The following TACC2 variants were observed in gnomAD, a reference collection of about 807,000 sequenced individuals.
The protein encoded by TACC2 is transforming acidic coiled-coil-containing protein 2.
Under a neutral mutation model 227.3 loss-of-function variants are expected in TACC2, and 137 were observed. The ratio of observed to expected loss-of-function variants is 0.60; its 90% CI spans 0.52 to 0.69. The LOEUF is 0.69. TACC2 is among the 30% of genes least tolerant of loss of function. The pLI, the probability that TACC2 is intolerant of heterozygous loss-of-function variation, is 0.00. For missense variants in TACC2, 3,470 were observed against 3,694.4 expected (o/e 0.94, Z 1.57); for synonymous variants, 1,523 against 1,487.5 (o/e 1.02, Z -0.55).
chr10:122,038,259 G>T (rs2073826580), intron 2 of TACC2, among the ~76,000 whole-genome samples: 1 of 152,140 alleles, frequency 6.6e-6, no homozygotes, highest in South Asian at 2.1e-4. Context: ...ACAAGAGTGA[G>T]ACCTTGTCTC....
At chr10:122,060,897 C>G (rs557889873) in intron 3 of TACC2, among the ~76,000 whole-genome samples, 1 of 149,376 alleles carries the variant, frequency 6.7e-6, no homozygotes, top group Non-Finnish European at 1.5e-5. Context: ...CCCAGCTACT[C>G]GGGAGGCTGA....
chr10:122,124,407 A>G lies in TACC2; in HGVS notation c.5574-8202A>G, dbSNP rs533571228. Among the ~76,000 whole-genome samples, 7 of 152,132 alleles carry G rather than the reference A, an allele frequency of 4.6e-5. No individual in the cohort carries two copies. In the South Asian group the frequency reaches 1.5e-3, roughly 32 times the overall value. ...CTGCCTGCATTTCTTGCCCCCTCCA[A>G]TTAGTCTCCACTGTGGCACAGGCAT... On this transcript the variant is annotated intron_variant, in intron 5 of 22. Coordinates refer to ENST00000369005, the MANE Select transcript of TACC2 (RefSeq NM_206862.4).
At chr10:122,009,236 T>C (rs768947667) in intron 1 of TACC2, among the ~76,000 whole-genome samples, 8 of 152,222 alleles carry the variant, frequency 5.3e-5, no homozygotes, top group Non-Finnish European at 1.2e-4. Flanking sequence ...TGTACATTTA[T>C]TTTTCCTTTC....
intron 7 of TACC2, among the ~76,000 whole-genome samples, chr10:122,190,270 T>TCTGCATTTTCCAGCTAC (rs1443886658): frequency 7.2e-5 from 11 of 152,082 alleles, no homozygotes; most frequent in African/African-American, 2.7e-4. Context: ...GCTCTTAGGG[T>TCTGCATTTTCCAGCTAC]CTGCATTTTC....
chr10:122,239,058 C>T (rs1241360259), intron 18 of TACC2, among the ~76,000 whole-genome samples: 3 of 152,026 alleles, frequency 2.0e-5, no homozygotes, highest in Non-Finnish European at 2.9e-5. Flanking sequence ...GGCTGGAGTG[C>T]GATGGTGCGA....
rs58349779 is a variant in TACC2, at chr10:122,069,932, T to C, written c.147-12715T>C. The stretch of plus-strand genomic sequence containing the variant: ...ACAGTGGTTAATCTTCCCAAACTTG[T>C]CTCTGCAGCTGTGTTAATGCTGGGA... On this transcript the variant is annotated intron_variant, in intron 3 of 22. Transcript: ENST00000369005. 5.2e-3 allele frequency among the ~76,000 whole-genome samples: 790 copies of C among 152,306 alleles called. 10 individuals carry two copies. The highest frequency in any genetic ancestry group is 0.018 in the African/African-American group (755 of 41,570).
chr10:122,034,375 C>T (rs1959527697), intron 2 of TACC2, among the ~76,000 whole-genome samples: 1 of 152,058 alleles, frequency 6.6e-6, no homozygotes, highest in South Asian at 2.1e-4. Flanking sequence ...GTTTTATAGA[C>T]TCAGAAGTAG....
intron 7 of TACC2, among the ~76,000 whole-genome samples, chr10:122,146,906 A>T (rs2091446047): frequency 6.6e-6 from 1 of 151,968 alleles, no homozygotes; most frequent in African/African-American, 2.4e-5. Flanking sequence ...GTTTCTGATG[A>T]CCTTGACAGT....
At chr10:122,182,023 A>G (rs2093986707) in intron 7 of TACC2, among the ~76,000 whole-genome samples, 2 of 152,220 alleles carry the variant, frequency 1.3e-5, no homozygotes, top group Non-Finnish European at 2.9e-5. Flanking sequence ...CAGGCTTTCT[A>G]CTAAGCTGTT....
intron 3 of TACC2, among the ~76,000 whole-genome samples, chr10:122,057,826 CA>C (rs1373545380): frequency 6.6e-6 from 1 of 151,794 alleles, no homozygotes; most frequent in East Asian, 1.9e-4. Flanking sequence ...AACTCCGTCT[CA>C]AAAAAACAAA....
intron 7 of TACC2, among the ~76,000 whole-genome samples, chr10:122,172,998 C>T (rs2093551880): frequency 1.3e-5 from 2 of 152,076 alleles, no homozygotes; most frequent in Admixed American, 6.5e-5. Context: ...AGAGCTGTAC[C>T]CAGAACATCC....
Position 122,086,121 on chromosome 10 carries a change from C to A in TACC2, c.3621C>A (p.Thr1207=), listed in dbSNP as rs762187942. Residue 1207 remains threonine, a synonymous_variant, in exon 4 of 23, where the codon ACC becomes ACA. Transcript: ENST00000369005. ...AGCTGGGTGGGATTCCCAGGAGCAC[C>A]ATGGATTTTTCTACACACCAGGCTG... ...ARELGGIPRS[T]MDFSTHQAVP... 5 of 1,613,404 alleles carry A rather than the reference C, an allele frequency of 3.1e-6. No individual in the cohort carries two copies. In the South Asian group the frequency reaches 5.5e-5, roughly 18 times the overall value.
intron 2 of TACC2, chr10:122,023,826 G>A (rs7080341): frequency 0.44 from 64,603 of 145,190 alleles, 14,936 homozygotes; most frequent in Non-Finnish European, 0.5. Context: ...TGAGGGGGGG[G>A]AAAAAAAAAG....
intron 1 of TACC2, among the ~76,000 whole-genome samples, chr10:121,990,950 G>A (rs1001219733): frequency 6.6e-6 from 1 of 151,974 alleles, no homozygotes; most frequent in African/African-American, 2.4e-5. Flanking sequence ...ACCACGCCCA[G>A]CTAATTTTTG....
rs1407236012 is a variant in TACC2 at position 122,035,474 on chromosome 10, C to T, written c.33+13460C>T. On this transcript the variant is annotated intron_variant, in intron 2 of 22. Transcript: ENST00000369005. ...CATTGCTCTAGCACGTGAGAATCAG[C>T]AGTGAACAATTCAGCTGTGATCTGC... is the stretch of plus-strand genomic sequence containing the variant. Among the ~76,000 whole-genome samples, 3 of 152,170 alleles carry T rather than the reference C, an allele frequency of 2.0e-5. No homozygotes were observed. The East Asian group carries it at 5.8e-4, about 29-fold the overall frequency.
intron 16 of TACC2, among the ~76,000 whole-genome samples, chr10:122,232,565 T>C (rs1004900061): frequency 3.3e-5 from 5 of 152,218 alleles, no homozygotes; most frequent in Non-Finnish European, 5.9e-5. Flanking sequence ...CAGAGGCGTA[T>C]GCTCAAAGGA....
chr10:121,998,253 A>T (rs1174992339), intron 1 of TACC2, among the ~76,000 whole-genome samples: 1 of 149,578 alleles, frequency 6.7e-6, no homozygotes, highest in Non-Finnish European at 1.5e-5. Context: ...TGGAGGTTGC[A>T]GTGAGCTGAG....
rs11816938 is a variant in TACC2 at position 122,083,310 on chromosome 10, C to T, written c.810C>T (p.Pro270=). The change falls in exon 4 of 23, where the codon CCC becomes CCT. Residue 270 remains proline, a synonymous_variant. Transcript: ENST00000369005. ...GCTCAGCGGTCTTGGAGAAGTCCCC[C>T]CTAAAACCCATGGCCCCGATCCCAC... ...TESSAVLEKS[P]LKPMAPIPQD... is the part of the protein sequence containing the mutation. The T allele has an allele frequency of 1.3e-5, 21 of 1,613,932 alleles. No homozygotes were observed. Among genetic ancestry groups the T allele is most frequent in the African/African-American group, 5.3e-5 (4 of 74,998 alleles).
At chr10:122,019,845 T>C (rs1286262117) in intron 1 of TACC2, 1 of 152,274 alleles carries the variant, frequency 6.6e-6, no homozygotes, top group Non-Finnish European at 1.5e-5. Flanking sequence ...AGAATTTCCA[T>C]GCGCCCGCAG....
Sources: gnomAD v4.1 joint callset for allele counts (sites outside exome capture counted in the v4.1 genomes callset) on GRCh38, gnomAD v4.1.1 for gene constraint, MANE v1.5 for transcripts, NCBI Gene and HGNC (gene_info 2026-07-23, HGNC 2026-07-21) for gene names.